Variants in PACRG observed in about 807,000 individuals in gnomAD.
The protein encoded by PACRG is parkin coregulated.
PACRG carries 29 observed loss-of-function variants against 29.7 expected under a neutral mutation model. The observed-to-expected ratio is 0.98, with a 90% CI of 0.73 to 1.33. The LOEUF (loss-of-function observed/expected upper bound fraction) is 1.33. Among genes scored for constraint, PACRG ranks in the 40% most tolerant of loss-of-function variants. PACRG has a pLI of 0.00. For missense variants in PACRG, 279 were observed against 316.2 expected, an observed-to-expected ratio of 0.88 and a Z score of 0.89; for synonymous variants, 116 against 118.7, an observed-to-expected ratio of 0.98 and a Z score of 0.15.
At chr6:162,843,888 G>A (rs1234542979) in intron 2 of PACRG, among the ~76,000 whole-genome samples, 2 of 63,832 alleles carry the variant, frequency 3.1e-5, no homozygotes, top group Admixed American at 1.8e-4. Flanking sequence ...CTGCTGGGGG[G>A]TGCCTCCCAG....
chr6:163,237,846 A>G (rs147264801), intron 4 of PACRG, among the ~76,000 whole-genome samples: 196 of 152,348 alleles, frequency 1.3e-3, no homozygotes, highest in Non-Finnish European at 1.9e-3. Flanking sequence ...AAGCCAAGTC[A>G]TCAGGAAAAG....
intron 4 of PACRG, among the ~76,000 whole-genome samples, chr6:163,235,005 A>C (rs543134722): frequency 3.5e-4 from 54 of 152,206 alleles, no homozygotes; most frequent in Admixed American, 9.8e-4. Context: ...AGACACGACT[A>C]TGTTTAAATG....
intron 4 of PACRG, among the ~76,000 whole-genome samples, chr6:163,266,720 C>T (rs1404583081): frequency 6.6e-6 from 1 of 152,174 alleles, no homozygotes; most frequent in Non-Finnish European, 1.5e-5. Flanking sequence ...TTATGTGACC[C>T]TCATCTGACA....
At chr6:162,729,366 A>G (rs181612413) in intron 1 of PACRG, among the ~76,000 whole-genome samples, 2 of 152,320 alleles carry the variant, frequency 1.3e-5, no homozygotes, top group Admixed American at 1.3e-4. Flanking sequence ...TCCTTTGCTT[A>G]TAGGTTGCAA....
chr6:162,899,549 G>T (rs546997428), intron 2 of PACRG, among the ~76,000 whole-genome samples: 18 of 152,266 alleles, frequency 1.2e-4, no homozygotes, highest in Middle Eastern at 3.4e-3. Context: ...GAAGCACCGG[G>T]CAGGAAGCTG....
chr6:163,269,762 G>GAGAGACAGACAGACAGAC (rs796202675), intron 4 of PACRG, among the ~76,000 whole-genome samples: 2 of 51,254 alleles, frequency 3.9e-5, no homozygotes, highest in Non-Finnish European at 8.8e-5. Flanking sequence ...GAGAGAGAGA[G>GAGAGACAGACAGACAGAC]AGACAGACAG....
chr6:163,117,065 A>G (rs1279073718), intron 4 of PACRG, among the ~76,000 whole-genome samples: 1 of 152,196 alleles, frequency 6.6e-6, no homozygotes, highest in Non-Finnish European at 1.5e-5. Flanking sequence ...ATGCCCAGGT[A>G]CAGCTAGGAA....
At chr6:162,866,071 G>A (rs1253286531) in intron 2 of PACRG, among the ~76,000 whole-genome samples, 1 of 152,130 alleles carries the variant, frequency 6.6e-6, no homozygotes, top group African/African-American at 2.4e-5. Flanking sequence ...AATATTTTCA[G>A]CAATGAAAGA....
At chr6:162,877,590 A>C (rs1793475423) in intron 2 of PACRG, among the ~76,000 whole-genome samples, 1 of 146,734 alleles carries the variant, frequency 6.8e-6, no homozygotes, top group Non-Finnish European at 1.5e-5. Flanking sequence ...ATAATAATAA[A>C]AAAAAGAAAA....
intron 1 of PACRG, among the ~76,000 whole-genome samples, chr6:162,750,843 T>C (rs1282888375): frequency 1.3e-5 from 2 of 152,202 alleles, no homozygotes; most frequent in Admixed American, 1.3e-4. Context: ...TCTATTAACA[T>C]ATAATTGTCC....
intron 4 of PACRG, among the ~76,000 whole-genome samples, chr6:163,180,840 G>A (rs1779618415): frequency 6.6e-6 from 1 of 152,204 alleles, no homozygotes; most frequent in South Asian, 2.1e-4. Context: ...ATTATTAACA[G>A]CAAACGCTGC....
chr6:162,729,308 A>ATAATATTCATTATGTTATGTT (rs1779557768), intron 1 of PACRG, among the ~76,000 whole-genome samples: 3 of 152,306 alleles, frequency 2.0e-5, no homozygotes, highest in Admixed American at 6.5e-5. Flanking sequence ...ATTACATGGC[A>ATAATATTCATTATGTTATGTT]ATTCATTATG....
chr6:163,135,966 G>A (rs1303348986), intron 4 of PACRG, among the ~76,000 whole-genome samples: 1 of 151,520 alleles, frequency 6.6e-6, no homozygotes, highest in African/African-American at 2.4e-5. Flanking sequence ...TTTTTTTCTG[G>A]GTTATGTATC....
At chr6:163,023,486 C>T (rs1188560788) in intron 2 of PACRG, among the ~76,000 whole-genome samples, 5 of 152,118 alleles carry the variant, frequency 3.3e-5, no homozygotes, top group Admixed American at 1.3e-4. Context: ...TGATGGGCAC[C>T]GGGGTTGACT....
At chr6:163,086,669 T>A (rs574966789) in intron 3 of PACRG, among the ~76,000 whole-genome samples, 4 of 152,244 alleles carry the variant, frequency 2.6e-5, no homozygotes, top group African/African-American at 9.6e-5. Flanking sequence ...AAAAACTTCC[T>A]AGTGATTCCA....
upstream of PACRG, chr6:162,727,420 G>C: frequency 1.4e-5 from 7 of 497,222 alleles, no homozygotes; most frequent in Non-Finnish European, 2.5e-5. Context: ...CGTCGAGGCG[G>C]TCTTCATGAG....
chr6:163,077,632 C>T (rs932725773), intron 3 of PACRG, among the ~76,000 whole-genome samples: 3 of 152,072 alleles, frequency 2.0e-5, no homozygotes, highest in Admixed American at 6.5e-5. Context: ...TTTTACTTAT[C>T]TTGACATTTT....
intron 4 of PACRG, among the ~76,000 whole-genome samples, chr6:163,280,985 G>A (rs1434195944): frequency 6.6e-6 from 1 of 152,138 alleles, no homozygotes; most frequent in East Asian, 1.9e-4. Flanking sequence ...AGGAGGGAAT[G>A]GAAGAGAAGA....
chr6:163,122,522 T>G lies in PACRG; in HGVS notation c.613+33114T>G, dbSNP rs1816329310. Among the ~76,000 whole-genome samples the G allele has an allele frequency of 1.3e-5, 2 of 152,114 alleles. 1 individual carries two copies. The highest frequency in any genetic ancestry group is 4.1e-4 in the South Asian group (2 of 4,820). ...CCCTGCTGTTCCCACAAGAGCTGTT[T>G]GTTTAAAAAAGCCTGGCACCTCCCC... is the stretch of plus-strand genomic sequence containing the variant. On this transcript the variant is annotated intron_variant, in intron 4 of 4. Transcript: ENST00000366888.
Sources: allele counts gnomAD v4.1 joint callset (sites outside exome capture counted in the v4.1 genomes callset), GRCh38; gene constraint gnomAD v4.1.1; transcripts MANE v1.5; gene names NCBI Gene and HGNC (gene_info 2026-07-23, HGNC 2026-07-21).